Variants in DLGAP2 observed in about 807,000 individuals in gnomAD.
The protein encoded by DLGAP2 is disks large-associated protein 2.
A neutral mutation model predicts 100.3 loss-of-function variants in DLGAP2; 26 were observed. That is an observed-to-expected ratio of 0.26 (90% CI 0.19 to 0.36). The LOEUF is 0.36. DLGAP2 is among the 10% of genes least tolerant of loss of function. The pLI is 1.00. For synonymous variants in DLGAP2, 886 were observed against 630.1 expected (o/e 1.41, Z -6.08); for missense variants, 1,858 against 1,453.2 (o/e 1.28, Z -4.53).
At chr8:1,566,633 C>T (rs778901612) in intron 6 of DLGAP2, among the ~76,000 whole-genome samples, 23 of 152,174 alleles carry the variant, frequency 1.5e-4, no homozygotes, top group Non-Finnish European at 2.6e-4. Flanking sequence ...TGCTTCTCAG[C>T]CTTGGCCAGT....
chr8:1,264,009 A>G (rs959705391), intron 3 of DLGAP2, among the ~76,000 whole-genome samples: 1 of 152,200 alleles, frequency 6.6e-6, no homozygotes, highest in Non-Finnish European at 1.5e-5. Flanking sequence ...GGTGGAAATC[A>G]GAAAACAGTC....
chr8:1,164,864 A>T (rs768361989), intron 2 of DLGAP2, among the ~76,000 whole-genome samples: 25 of 151,916 alleles, frequency 1.6e-4, no homozygotes, highest in Admixed American at 2.6e-4. Context: ...AGACAGCTCC[A>T]GTCTCTCTGT....
intron 2 of DLGAP2, among the ~76,000 whole-genome samples, chr8:1,111,110 C>T (rs1804943177): frequency 6.6e-6 from 1 of 152,226 alleles, no homozygotes; most frequent in Non-Finnish European, 1.5e-5. Context: ...CCTTCCTCCG[C>T]CTTACCAAGC....
intron 1 of DLGAP2, among the ~76,000 whole-genome samples, chr8:799,513 C>G (rs1360787366): frequency 6.6e-6 from 1 of 152,194 alleles, no homozygotes; most frequent in African/African-American, 2.4e-5. Context: ...TTGGCTGGCT[C>G]TGTGTACCTA....
At chr8:1,459,356 G>T (rs1798409179) in intron 3 of DLGAP2, among the ~76,000 whole-genome samples, 1 of 152,260 alleles carries the variant, frequency 6.6e-6, no homozygotes, top group African/African-American at 2.4e-5. Context: ...GGCCCCAGGG[G>T]TCACCCTATT....
At chr8:1,435,746 C>T (rs1468895248) in intron 3 of DLGAP2, among the ~76,000 whole-genome samples, 1 of 151,808 alleles carries the variant, frequency 6.6e-6, no homozygotes, top group African/African-American at 2.4e-5. Flanking sequence ...CGTCTGTCAC[C>T]GCCACTGCCC....
In DLGAP2 at chr8:1,376,638, C is replaced by CG. The variant is rs1802395329; in HGVS notation, c.106+117755_106+117756insG. Among the ~76,000 whole-genome samples the CG allele has an allele frequency of 2.0e-5, 3 of 152,156 alleles. No homozygotes were observed. The East Asian group carries it at 5.8e-4, about 29-fold the overall frequency. ...GACAGGGACGTGCCAGCTCACAGGGCTGCCAAGACCCTCACTCTGACCCCG... is the reference window on the plus strand; with the variant it reads ...GACAGGGACGTGCCAGCTCACAGGGCGTGCCAAGACCCTCACTCTGACCCCG... On this transcript the variant is annotated intron_variant, in intron 3 of 14. Coordinates refer to ENST00000637795, the MANE Select transcript of DLGAP2 (RefSeq NM_001346810.2).
rs540586199 is a variant in DLGAP2 at position 1,483,565 on chromosome 8, A to C, written c.107-17801A>C. Among the ~76,000 whole-genome samples, 43 of 137,346 alleles carry C rather than the reference A, an allele frequency of 3.1e-4. 2 individuals are homozygous for C. The highest frequency in any genetic ancestry group is 4.7e-4 in the Non-Finnish European group (30 of 63,414). 90.1% of individuals were successfully genotyped at this position (137,346 alleles called of 152,430 possible). A position where few individuals can be genotyped will look rare whatever the true frequency, so the allele number is the denominator to read the frequency against. ...CAGGAAGCAGGACCTGAGGGCGTCT[A>C]CACAGAGCAGGGAGGCAGGCGCAGA... On this transcript the variant is annotated intron_variant, in intron 3 of 14. Coordinates refer to ENST00000637795, the MANE Select transcript of DLGAP2 (RefSeq NM_001346810.2).
chr8:909,402 A>T (rs1023664764), intron 2 of DLGAP2, among the ~76,000 whole-genome samples: 3 of 152,212 alleles, frequency 2.0e-5, no homozygotes, highest in African/African-American at 7.2e-5. Context: ...ATAAGTTAAA[A>T]GCTAACTACT....
At chr8:1,176,121 A>G (rs1375544994) in intron 2 of DLGAP2, among the ~76,000 whole-genome samples, 1 of 152,300 alleles carries the variant, frequency 6.6e-6, no homozygotes. Context: ...ACAGTTCCAC[A>G]TGGCTGGAGA....
chr8:1,156,873 G>A (rs1454486712), intron 2 of DLGAP2, among the ~76,000 whole-genome samples: 5 of 152,124 alleles, frequency 3.3e-5, no homozygotes, highest in African/African-American at 1.2e-4. Flanking sequence ...ATTTCCACGC[G>A]AAGATGAGGA....
intron 3 of DLGAP2, chr8:1,259,706 A>G (rs759408586): frequency 3.9e-5 from 6 of 152,200 alleles, no homozygotes; most frequent in Non-Finnish European, 8.8e-5. Context: ...GTGTGACTCT[A>G]AAAGCCGAAT....
chr8:946,180 C>T (rs576834221), intron 2 of DLGAP2, among the ~76,000 whole-genome samples: 17 of 152,142 alleles, frequency 1.1e-4, no homozygotes, highest in Admixed American at 2.6e-4. Flanking sequence ...CAGGGAGTCA[C>T]ACATTGATTG....
rs146924884 is a variant in DLGAP2 at position 937,072 on chromosome 8, C to T, written c.73+29106C>T. Among the ~76,000 whole-genome samples, 373 of 152,322 alleles carry T rather than the reference C, an allele frequency of 2.4e-3. 1 individual carries two copies. Among genetic ancestry groups the T allele is most frequent in the African/African-American group, 8.6e-3 (357 of 41,568 alleles). On this transcript the variant is annotated intron_variant, in intron 2 of 14. Coordinates refer to ENST00000637795, the MANE Select transcript of DLGAP2 (RefSeq NM_001346810.2). ...TGGCCTCCTGTGTGAAGGCCCCGCA[C>T]ATCTACAGACATGTGGTGCCCTTCA...
intron 2 of DLGAP2, among the ~76,000 whole-genome samples, chr8:1,200,518 G>A (rs1401204421): frequency 6.6e-6 from 1 of 152,174 alleles, no homozygotes; most frequent in Non-Finnish European, 1.5e-5. Flanking sequence ...GGGCCTGGAT[G>A]CTGATTGTTC....
intron 3 of DLGAP2, among the ~76,000 whole-genome samples, chr8:1,490,616 A>C (rs991081673): frequency 4.6e-5 from 7 of 152,108 alleles, no homozygotes; most frequent in Non-Finnish European, 1.0e-4. Context: ...TAAAGGTGAA[A>C]TGGGCCCTCG....
rs1804782774 is a variant in DLGAP2 at position 1,106,649 on chromosome 8, G to A, written c.74-152202G>A. ...TATTGAAGGGAGCCATTCTAGGATGGTTTTCTATTGAAGGGAGCCATTCTA... is the reference window on the plus strand; with the variant it reads ...TATTGAAGGGAGCCATTCTAGGATGATTTTCTATTGAAGGGAGCCATTCTA... On this transcript the variant is annotated intron_variant, in intron 2 of 14. Transcript: ENST00000637795. 2.0e-5 allele frequency among the ~76,000 whole-genome samples: 3 copies of A among 149,916 alleles called. No homozygotes were observed. In the South Asian group the frequency reaches 6.4e-4, roughly 32 times the overall value.
chr8:1,101,821 G>A (rs1199103475), intron 2 of DLGAP2, among the ~76,000 whole-genome samples: 11 of 40,174 alleles, frequency 2.7e-4, no homozygotes, highest in African/African-American at 1.0e-3. Flanking sequence ...ACACGACGAT[G>A]GGAAGCTCCT....
intron 2 of DLGAP2, among the ~76,000 whole-genome samples, chr8:1,080,888 G>A (rs1200200787): frequency 1.3e-5 from 2 of 152,164 alleles, no homozygotes; most frequent in Non-Finnish European, 2.9e-5. Context: ...TGGTTTAAAG[G>A]AATATATTGC....
Sources: gnomAD v4.1 joint callset for allele counts (sites outside exome capture counted in the v4.1 genomes callset) on GRCh38, gnomAD v4.1.1 for gene constraint, MANE v1.5 for transcripts, NCBI Gene and HGNC (gene_info 2026-07-23, HGNC 2026-07-21) for gene names.